The following TGFBR3 variants were observed in gnomAD, a reference collection of about 807,000 sequenced individuals.
TGFBR3 encodes transforming growth factor beta receptor type 3.
TGFBR3 carries 46 observed loss-of-function variants against 87.9 expected under a neutral mutation model. The observed-to-expected ratio is 0.52, with a 90% CI of 0.41 to 0.67. The LOEUF is 0.67. TGFBR3 is among the 30% of genes least tolerant of loss of function. The pLI is 0.00. For missense variants in TGFBR3, 866 were observed against 1,041.9 expected (o/e 0.83, Z 2.32); for synonymous variants, 381 against 391.6 (o/e 0.97, Z 0.32).
rs570314767 is a variant in TGFBR3, at chr1:91,680,643, C to G, written c.*3096G>C. The G allele has an allele frequency of 2.2e-6, 1 of 453,814 alleles. No individual in the cohort carries two copies. The highest frequency in any genetic ancestry group is 2.4e-5 in the Admixed American group (1 of 42,550). The allele number at this position is 453,814 out of a possible 1,614,324, so 28.1% of individuals were successfully genotyped here. A position where few individuals can be genotyped will look rare whatever the true frequency, so the allele number is the denominator to read the frequency against. ...ACATCTGTCAGTTTCATGAACAACCCCCAGATAAAACAAACATGAAAAAAA... is the reference window on the plus strand; with the variant it reads ...ACATCTGTCAGTTTCATGAACAACCGCCAGATAAAACAAACATGAAAAAAA... On this transcript the variant is annotated 3_prime_UTR_variant, in exon 17 of 17. Coordinates refer to ENST00000212355, the MANE Select transcript of TGFBR3 (RefSeq NM_003243.5).
intron 2 of TGFBR3, among the ~76,000 whole-genome samples, chr1:91,806,926 G>A (rs1399970093): frequency 6.6e-6 from 1 of 152,130 alleles, no homozygotes; most frequent in African/African-American, 2.4e-5. Flanking sequence ...CTGTAAGAAA[G>A]GGCACCCAGG....
At chr1:91,752,890 G>A (rs1206654135) in intron 4 of TGFBR3, among the ~76,000 whole-genome samples, 4 of 151,798 alleles carry the variant, frequency 2.6e-5, no homozygotes, top group Non-Finnish European at 4.4e-5. Flanking sequence ...AGCTGGGTGT[G>A]GGGGTACATG....
chr1:91,763,480 C>A (rs913127220), intron 3 of TGFBR3, among the ~76,000 whole-genome samples: 1 of 152,138 alleles, frequency 6.6e-6, no homozygotes, highest in African/African-American at 2.4e-5. Context: ...ATGGATGATT[C>A]AATAATCAGT....
In TGFBR3 at chr1:91,683,448, T is replaced by C; in HGVS notation, c.*291A>G. 1 of 626,768 alleles carries C rather than the reference T, an allele frequency of 1.6e-6. No individual in the cohort carries two copies. 38.8% of individuals were successfully genotyped at this position (626,768 alleles called of 1,614,324 possible). On this transcript the variant is annotated 3_prime_UTR_variant, in exon 17 of 17. Coordinates refer to ENST00000212355, the MANE Select transcript of TGFBR3 (RefSeq NM_003243.5). ...AGCATTTTAAAAACTGGCATGTGTT[T>C]CACATTGAAAACCCCCAAGCCTGTG... is the stretch of plus-strand genomic sequence containing the variant.
intron 1 of TGFBR3, among the ~76,000 whole-genome samples, chr1:91,900,397 A>G (rs1004177684): frequency 2.6e-5 from 4 of 152,228 alleles, no homozygotes; most frequent in African/African-American, 9.6e-5. Flanking sequence ...TACAGGTGTG[A>G]ATCACCACGC....
At chr1:91,836,849 T>C (rs1408729932) in intron 2 of TGFBR3, among the ~76,000 whole-genome samples, 1 of 152,202 alleles carries the variant, frequency 6.6e-6, no homozygotes, top group East Asian at 1.9e-4. Context: ...TTTATATTTC[T>C]GCTAAATATC....
chr1:91,863,501 C>T (rs942667045), intron 1 of TGFBR3, among the ~76,000 whole-genome samples: 3 of 152,160 alleles, frequency 2.0e-5, no homozygotes, highest in African/African-American at 4.8e-5. Flanking sequence ...GTCCCTAGCA[C>T]GTAACAACCA....
intron 16 of TGFBR3, 52 bp from the exon 17 acceptor site, chr1:91,683,909 G>T: frequency 1.4e-6 from 2 of 1,459,406 alleles, no homozygotes; most frequent in Non-Finnish European, 1.9e-6. Context: ...TATTATGTAT[G>T]TGCATTCCTG....
intron 4 of TGFBR3, among the ~76,000 whole-genome samples, chr1:91,752,157 G>T (rs1159482645): frequency 6.6e-6 from 1 of 152,136 alleles, no homozygotes; most frequent in Admixed American, 6.5e-5. Flanking sequence ...TCCGAGTAGA[G>T]CTGCCCAATA....
At chr1:91,801,548 G>A (rs144107421) in intron 2 of TGFBR3, among the ~76,000 whole-genome samples, 26 of 152,304 alleles carry the variant, frequency 1.7e-4, no homozygotes, top group East Asian at 1.5e-3. Context: ...GAGATCTACC[G>A]TTTTGTAACT....
chr1:91,721,149 C>T (rs542593553), intron 8 of TGFBR3, among the ~76,000 whole-genome samples: 143 of 152,288 alleles, frequency 9.4e-4, no homozygotes, highest in Non-Finnish European at 1.6e-3. Flanking sequence ...ATTATCTCTC[C>T]TTTAATAATA....
chr1:91,832,772 G>A (rs1488330317), intron 2 of TGFBR3, among the ~76,000 whole-genome samples: 1 of 152,120 alleles, frequency 6.6e-6, no homozygotes, highest in Non-Finnish European at 1.5e-5. Flanking sequence ...GGAGGCCGAG[G>A]CAGGCGGATC....
intron 2 of TGFBR3, among the ~76,000 whole-genome samples, chr1:91,836,114 G>A (rs1425256275): frequency 6.6e-6 from 1 of 152,074 alleles, no homozygotes; most frequent in Non-Finnish European, 1.5e-5. Context: ...AGGCGTGGTG[G>A]TGCATGCCTG....
chr1:91,781,455 C>T (rs904842504), intron 3 of TGFBR3, among the ~76,000 whole-genome samples: 1 of 152,190 alleles, frequency 6.6e-6, no homozygotes, highest in Non-Finnish European at 1.5e-5. Flanking sequence ...CTTCCAGAGG[C>T]CTCTCCAGCA....
intron 3 of TGFBR3, among the ~76,000 whole-genome samples, chr1:91,764,581 G>A (rs1035000630): frequency 6.6e-5 from 10 of 151,996 alleles, no homozygotes; most frequent in Admixed American, 5.2e-4. Flanking sequence ...CCCCGGCTGC[G>A]GAGAAGAGAG....
In TGFBR3 at chr1:91,682,967, T is replaced by A. The variant is rs998012817; in HGVS notation, c.*772A>T. 1 of 454,420 alleles carries A rather than the reference T, an allele frequency of 2.2e-6. No homozygotes were observed. The highest frequency in any genetic ancestry group is 4.4e-6 in the Non-Finnish European group (1 of 226,806). The allele number at this position is 454,420 out of a possible 1,614,324, so 28.1% of individuals were successfully genotyped here. On this transcript the variant is annotated 3_prime_UTR_variant, in exon 17 of 17. Coordinates refer to ENST00000212355, the MANE Select transcript of TGFBR3 (RefSeq NM_003243.5). ...TTAGGAATGGGCACAAATCTGTGGT[T>A]CCTGATTTTGGTCATTTTCAATTTC...
intron 2 of TGFBR3, among the ~76,000 whole-genome samples, chr1:91,816,839 T>C (rs930274655): frequency 2.0e-5 from 3 of 152,220 alleles, no homozygotes; most frequent in African/African-American, 4.8e-5. Context: ...ACTTACTTTT[T>C]TTCCCCCAAA....
chr1:91,865,837 A>G (rs1678375617), intron 1 of TGFBR3, among the ~76,000 whole-genome samples: 1 of 151,368 alleles, frequency 6.6e-6, no homozygotes, highest in African/African-American at 2.4e-5. Context: ...GCGTGAACCC[A>G]GGAGGCGGAG....
At chr1:91,890,943 G>C (rs1240420155), upstream of TGFBR3, among the ~76,000 whole-genome samples, 1 of 151,644 alleles carries the variant, frequency 6.6e-6, no homozygotes, top group Non-Finnish European at 1.5e-5. Context: ...TGTCACCCAG[G>C]CTAGAGTGCA....
Sources: gnomAD v4.1 joint callset for allele counts (sites outside exome capture counted in the v4.1 genomes callset) on GRCh38, gnomAD v4.1.1 for gene constraint, MANE v1.5 for transcripts, NCBI Gene and HGNC (gene_info 2026-07-23, HGNC 2026-07-21) for gene names.